The following ARID1B variants were observed in gnomAD, a reference collection of about 807,000 sequenced individuals.
ARID1B encodes AT-rich interactive domain-containing protein 1B.
Under a neutral mutation model 212.3 loss-of-function variants are expected in ARID1B, and 30 were observed. The observed-to-expected ratio is 0.14, with a 90% confidence interval of 0.11 to 0.19. The LOEUF (loss-of-function observed/expected upper bound fraction) is 0.19, where lower values mean the gene tolerates loss of function less well. ARID1B is among the 10% of genes least tolerant of loss of function. The pLI is 1.00. For synonymous variants in ARID1B, 1,402 were observed against 1,301.7 expected (o/e 1.08, Z -1.66); for missense variants, 2,891 against 3,204.0 (o/e 0.90, Z 2.36).
intron 4 of ARID1B, among the ~76,000 whole-genome samples, chr6:157,020,348 A>G (rs1010225193): frequency 3.3e-5 from 5 of 152,194 alleles, no homozygotes; most frequent in African/African-American, 1.2e-4. Flanking sequence ...AAGGGATGTA[A>G]TTTAAACATG....
chr6:156,936,776 C>G (rs1792267954), intron 4 of ARID1B: 1 of 151,540 alleles, frequency 6.6e-6, no homozygotes, highest in South Asian at 2.1e-4. Flanking sequence ...GATGGGAATT[C>G]AGTATAGCCA....
intron 4 of ARID1B, chr6:157,024,133 G>A (rs996341388): frequency 3.3e-5 from 5 of 152,222 alleles, no homozygotes; most frequent in African/African-American, 9.7e-5. Context: ...AACATTTTGC[G>A]TCAGCAGTGC....
chr6:156,896,811 G>A (rs533625369), intron 2 of ARID1B, among the ~76,000 whole-genome samples: 161 of 151,740 alleles, frequency 1.1e-3, no homozygotes, highest in Non-Finnish European at 1.9e-3. Flanking sequence ...CCTGGGAGGC[G>A]GAGGTTGCAG....
At chr6:157,000,050 G>A (rs988497454) in intron 4 of ARID1B, among the ~76,000 whole-genome samples, 3 of 152,174 alleles carry the variant, frequency 2.0e-5, no homozygotes, top group African/African-American at 7.2e-5. Flanking sequence ...ACCTGGTGGA[G>A]GACATAAATC....
At chr6:157,004,910 T>TTTTTTTTTTTTTTTTTTTTTG (rs1779144057) in intron 4 of ARID1B, among the ~76,000 whole-genome samples, 1 of 114,700 alleles carries the variant, frequency 8.7e-6, no homozygotes, top group African/African-American at 4.0e-5. Context: ...TTTTTTTTTT[T>TTTTTTTTTTTTTTTTTTTTTG]TTTTTTTTTT....
At chr6:157,029,376 A>G (rs770977311) in intron 4 of ARID1B, among the ~76,000 whole-genome samples, 1 of 152,174 alleles carries the variant, frequency 6.6e-6, no homozygotes, top group African/African-American at 2.4e-5. Context: ...TTATATTTTT[A>G]TTGTTTTGTT....
rs543218580 is a variant in ARID1B, at chr6:157,166,829, T to C, written c.3090-211T>C. On this transcript the variant is annotated intron_variant, in intron 8 of 19. Coordinates refer to ENST00000636930, the MANE Select transcript of ARID1B (RefSeq NM_001374828.1). ...AAAATGTGTAATTTACTTGCAGAAC[T>C]TGTAATATTTGGAATTGTAAAGGGG... 9 of 479,196 alleles carry C rather than the reference T, an allele frequency of 1.9e-5. No individual in the cohort carries two copies. In the Admixed American group the frequency reaches 2.1e-4, roughly 11 times the overall value. The allele number at this position is 479,196 out of a possible 1,614,324, so 29.7% of individuals were successfully genotyped here.
intron 2 of ARID1B, among the ~76,000 whole-genome samples, chr6:156,859,226 G>A (rs1314687081): frequency 6.6e-6 from 1 of 152,146 alleles, no homozygotes. Context: ...CCATTTTCCT[G>A]CCTCAGCCTC....
chr6:156,996,591 A>G (rs1778604915), intron 4 of ARID1B, among the ~76,000 whole-genome samples: 2 of 152,180 alleles, frequency 1.3e-5, no homozygotes, highest in Non-Finnish European at 2.9e-5. Flanking sequence ...ATGTAAAAGT[A>G]TTTTGTAGAT....
rs373212890 is a variant in ARID1B, at chr6:156,842,565, T to C, written c.1986+13144T>C. 3.5e-4 allele frequency among the ~76,000 whole-genome samples: 54 copies of C among 152,394 alleles called. No homozygotes were observed. The South Asian group carries it at 9.9e-3, about 28-fold the overall frequency. On this transcript the variant is annotated intron_variant, in intron 2 of 19. Transcript: ENST00000636930. ...TTAGCAATTGTAAATAGTGCTGTTA[T>C]GAACATTTGTGTACAGGTATTTGTT...
At chr6:156,821,349 C>A (rs540338651) in intron 1 of ARID1B, among the ~76,000 whole-genome samples, 61 of 152,194 alleles carry the variant, frequency 4.0e-4, no homozygotes, top group African/African-American at 1.4e-3. Flanking sequence ...CTCCCCCACT[C>A]CCCCCACAAT....
chr6:157,032,649 GATT>G (rs1209085074), intron 4 of ARID1B, among the ~76,000 whole-genome samples: 14 of 152,114 alleles, frequency 9.2e-5, no homozygotes, highest in African/African-American at 3.1e-4. Flanking sequence ...ACATTTCCAT[GATT>G]ATTAATTGAC....
chr6:156,986,348 T>G (rs1213141272), intron 4 of ARID1B, among the ~76,000 whole-genome samples: 1 of 152,214 alleles, frequency 6.6e-6, no homozygotes, highest in Non-Finnish European at 1.5e-5. Flanking sequence ...AATACAAAAT[T>G]TCATTTCAGT....
chr6:157,158,681 A>C (rs570254284), intron 8 of ARID1B, among the ~76,000 whole-genome samples: 1 of 152,284 alleles, frequency 6.6e-6, no homozygotes, highest in African/African-American at 2.4e-5. Flanking sequence ...GCTCCTCGGC[A>C]GCTAAGCCAC....
chr6:156,807,066 TG>T (rs1781213902), intron 1 of ARID1B, among the ~76,000 whole-genome samples: 1 of 152,248 alleles, frequency 6.6e-6, no homozygotes, highest in African/African-American at 2.4e-5. Flanking sequence ...CAGATTTGTC[TG>T]GAGGACCGCA....
chr6:156,881,948 A>G (rs1185239001), intron 2 of ARID1B, among the ~76,000 whole-genome samples: 2 of 152,244 alleles, frequency 1.3e-5, no homozygotes, highest in East Asian at 1.9e-4. Context: ...AGTAACATAC[A>G]TACTTCTGCT....
chr6:156,886,480 G>T (rs1787511049), intron 2 of ARID1B, among the ~76,000 whole-genome samples: 1 of 152,136 alleles, frequency 6.6e-6, no homozygotes, highest in Non-Finnish European at 1.5e-5. Context: ...GGCTCCCCAT[G>T]CCTTACCCCG....
At position 157,209,596 on chromosome 6, in the gene ARID1B, T is replaced by C; in HGVS notation, c.*1705T>C. The C allele has an allele frequency of 4.3e-6, 1 of 233,232 alleles. No individual in the cohort carries two copies. 14.4% of individuals were successfully genotyped at this position (233,232 alleles called of 1,614,324 possible). A position where few individuals can be genotyped will look rare whatever the true frequency, so the allele number is the denominator to read the frequency against. ...GAAAATGTAACATTCTGCCTTTTAC[T>C]AACTCCATCTTAGTTTAATCAAAGT... On this transcript the variant is annotated 3_prime_UTR_variant, in exon 20 of 20. Coordinates refer to ENST00000636930, the MANE Select transcript of ARID1B (RefSeq NM_001374828.1).
chr6:157,039,767 A>T (rs144561080), intron 4 of ARID1B, among the ~76,000 whole-genome samples: 17,113 of 81,548 alleles, frequency 0.21, 1,864 homozygotes, highest in East Asian at 0.45. Flanking sequence ...CTACCTTCCT[A>T]CCTACCTACC....
Sources: allele counts gnomAD v4.1 joint callset (sites outside exome capture counted in the v4.1 genomes callset), GRCh38; gene constraint gnomAD v4.1.1; transcripts MANE v1.5; gene names NCBI Gene and HGNC (gene_info 2026-07-23, HGNC 2026-07-21).